Variants in BPIFB6 observed in about 807,000 individuals in gnomAD.
BPIFB6 encodes BPI fold containing family B member 6, also known as BPI fold-containing family B member 6.
A neutral mutation model predicts 54.7 loss-of-function variants in BPIFB6; 47 were observed. The ratio of observed to expected loss-of-function variants is 0.86; its 90% confidence interval spans 0.68 to 1.10. The LOEUF is 1.10. Ranked by LOEUF, BPIFB6 falls within the 50% of genes least tolerant of loss-of-function variation. The pLI, the probability that BPIFB6 is intolerant of heterozygous loss-of-function variation, is 0.00. For missense variants in BPIFB6, 603 were observed against 564.1 expected, an observed-to-expected ratio of 1.07 and a Z score of -0.70; for synonymous variants, 255 against 225.9, an observed-to-expected ratio of 1.13 and a Z score of -1.16.
Position 33,037,621 on chromosome 20 carries a change from C to G in BPIFB6, c.729C>G (p.Leu243=). Residue 243 remains leucine, a synonymous_variant, in exon 8 of 15, where the codon CTC becomes CTG. Transcript: ENST00000349552. The part of the protein sequence containing the change: ...TIKLADAGEA[L]TFPEGYAKGS... ...AGCTTGCTGATGCCGGGGAGGCCCT[C>G]ACGTTCCCTGAGGGTTATGCCAAAG... is the stretch of plus-strand genomic sequence containing the variant. 1 of 1,614,086 alleles carries G rather than the reference C, an allele frequency of 6.2e-7. No homozygotes were observed. The highest frequency in any genetic ancestry group is 8.5e-7 in the Non-Finnish European group (1 of 1,179,974).
intron 2 of BPIFB6, chr20:33,033,742 G>C (rs1979203310): frequency 1.1e-5 from 5 of 439,114 alleles, no homozygotes; most frequent in South Asian, 8.1e-5. Flanking sequence ...TGCGGGGACT[G>C]GGGGAATGCT....
Position 33,037,542 on chromosome 20 carries a change from T to C in BPIFB6, c.670-20T>C, listed in dbSNP as rs8125862. The C allele has an allele frequency of 4.9e-3, 7,814 of 1,590,048 alleles. 327 individuals carry two copies. The African/African-American group carries it at 0.093, about 19-fold the overall frequency. ...TCCCTCTCGGCCAAGGCTGAGTGTC[T>C]CCCTCCTGCTGCCCCATAGCCTGTG... is the stretch of plus-strand genomic sequence containing the variant. On this transcript the variant is annotated intron_variant, in intron 7 of 14. Coordinates refer to ENST00000349552, the MANE Select transcript of BPIFB6 (RefSeq NM_174897.2).
Position 33,034,770 on chromosome 20 carries a change from G to C in BPIFB6, c.310G>C (p.Gly104Arg). The change falls in exon 4 of 15, where the codon GGA becomes CGA. Residue 104 changes from glycine to arginine, a missense_variant. Coordinates refer to ENST00000349552, the MANE Select transcript of BPIFB6 (RefSeq NM_174897.2). Reference sequence around the variant, plus strand: ...TCCTGCTCTGTCCTCCAGCTTCATGGGAGGGAACATGGAGATCATCGTGGC... The same window carrying C: ...TCCTGCTCTGTCCTCCAGCTTCATGCGAGGGAACATGGAGATCATCGTGGC... Reference protein sequence around the residue: ...GMTVTGKSFMGGNMEIIVALN... With the variant: ...GMTVTGKSFMRGNMEIIVALN... The C allele has an allele frequency of 6.2e-7, 1 of 1,608,084 alleles. No individual in the cohort carries two copies. The highest frequency in any genetic ancestry group is 1.1e-5 in the South Asian group (1 of 90,690).
At chr20:33,041,621 T>A (rs1432498723) in intron 11 of BPIFB6, among the ~76,000 whole-genome samples, 1 of 152,148 alleles carries the variant, frequency 6.6e-6, no homozygotes, top group Admixed American at 6.5e-5. Context: ...GAAGGGCTCC[T>A]GTTCTGTGTC....
intron 2 of BPIFB6, 66 bp from the exon 3 acceptor site, chr20:33,034,120 A>G (rs1434598696): frequency 1.5e-5 from 17 of 1,117,052 alleles, no homozygotes; most frequent in Non-Finnish European, 2.2e-5. Context: ...AAAGTGGTGA[A>G]GTGGGTGGAG....
At chr20:33,043,944 C>G in intron 14 of BPIFB6, 71 bp from the exon 15 acceptor site, 1 of 1,571,372 alleles carries the variant, frequency 6.4e-7, no homozygotes, top group East Asian at 2.2e-5. Flanking sequence ...GACAAGGGGC[C>G]CAGTTCCATT....
chr20:33,040,435 C>T (rs1042460407), intron 11 of BPIFB6, 117 bp downstream of exon 11: 1 of 905,478 alleles, frequency 1.1e-6, no homozygotes, highest in Non-Finnish European at 1.8e-6. Flanking sequence ...TACCAGGCTG[C>T]TCTAGCTACT....
intron 12 of BPIFB6, 119 bp from the exon 13 acceptor site, chr20:33,042,696 C>A (rs1237880257): frequency 2.8e-5 from 26 of 928,354 alleles, no homozygotes; most frequent in Non-Finnish European, 3.8e-5. Flanking sequence ...CTGGACAAAC[C>A]ATTTGATGTC....
chr20:33,043,722 A>G (rs1979688426), intron 14 of BPIFB6, among the ~76,000 whole-genome samples: 1 of 152,240 alleles, frequency 6.6e-6, no homozygotes, highest in Admixed American at 6.5e-5. Context: ...TGCTGAATAA[A>G]TATTACCTTT....
At chr20:33,038,842 T>C in intron 8 of BPIFB6, 67 bp from the exon 9 acceptor site, 8 of 1,434,154 alleles carry the variant, frequency 5.6e-6, no homozygotes, top group African/African-American at 1.4e-5. Context: ...GTTAAGTCAG[T>C]GGAGATGTTT....
intron 6 of BPIFB6, among the ~76,000 whole-genome samples, 180 bp from the exon 7 acceptor site, chr20:33,036,265 T>C (rs1451498195): frequency 2.0e-5 from 3 of 152,186 alleles, no homozygotes; most frequent in Non-Finnish European, 4.4e-5. Flanking sequence ...TGATGTGATT[T>C]TCCAGGCCAG....
intron 7 of BPIFB6, among the ~76,000 whole-genome samples, chr20:33,036,965 A>G (rs1979369609): frequency 6.6e-6 from 1 of 152,158 alleles, no homozygotes; most frequent in African/African-American, 2.4e-5. Flanking sequence ...TCTTTGGCAC[A>G]GCATTCCCCA....
In BPIFB6 at chr20:33,043,382, TA is replaced by T. The variant is rs768525463; in HGVS notation, c.1329+16del. 9 of 1,611,370 alleles carry T rather than the reference TA, an allele frequency of 5.6e-6. No individual in the cohort carries two copies. Among genetic ancestry groups the T allele is most frequent in the African/African-American group, 4.0e-5 (3 of 74,828 alleles). ...ACATAGTAGAGGTGAGAGGAGGGGC[TA>T]GGGGAGGTCATGTCAATCAACACTG... On this transcript the variant is annotated intron_variant, in intron 14 of 14. Transcript: ENST00000349552.
At chr20:33,032,560 C>A (rs535894536) in intron 1 of BPIFB6, among the ~76,000 whole-genome samples, 2 of 152,192 alleles carry the variant, frequency 1.3e-5, no homozygotes, top group Non-Finnish European at 2.9e-5. Flanking sequence ...GCTCCAGTTT[C>A]TCTGTCGTGT....
intron 10 of BPIFB6, among the ~76,000 whole-genome samples, chr20:33,039,769 A>C (rs931749787): frequency 6.6e-6 from 1 of 152,232 alleles, no homozygotes; most frequent in Non-Finnish European, 1.5e-5. Context: ...AAGGCAGTGA[A>C]GGGTGCACTG....
intron 7 of BPIFB6, among the ~76,000 whole-genome samples, chr20:33,037,097 C>T (rs1364245043): frequency 6.6e-6 from 1 of 152,026 alleles, no homozygotes; most frequent in African/African-American, 2.4e-5. Context: ...GAGTTGGGCC[C>T]TCACCCAGAT....
chr20:33,043,476 G>T, intron 14 of BPIFB6, 109 bp downstream of exon 14: 1 of 1,017,826 alleles, frequency 9.8e-7, no homozygotes, highest in South Asian at 1.3e-5. Context: ...TGGGAGGGCA[G>T]GTGGCCATCA....
rs141379850 is a variant in BPIFB6 at position 33,040,392 on chromosome 20, C to T, written c.1142+74C>T. 1.3e-4 allele frequency: 185 copies of T among 1,418,594 alleles called. 1 individual carries two copies. The African/African-American group carries it at 2.2e-3, about 17-fold the overall frequency. 87.9% of individuals were successfully genotyped at this position (1,418,594 alleles called of 1,614,324 possible). Reference sequence around the variant, plus strand: ...GCCTTCTGATCTAGCACACCCCACACTACCGAGCTGATCCACCCAGCACAC... The same window carrying T: ...GCCTTCTGATCTAGCACACCCCACATTACCGAGCTGATCCACCCAGCACAC... On this transcript the variant is annotated intron_variant, in intron 11 of 14. Transcript: ENST00000349552.
chr20:33,037,722 A>C lies in BPIFB6; in HGVS notation c.830A>C (p.Asn277Thr). Residue 277 changes from asparagine (N) to threonine (T), a missense_variant, in exon 8 of 15, where the codon AAT becomes ACT. Coordinates refer to ENST00000349552, the MANE Select transcript of BPIFB6 (RefSeq NM_174897.2). ...LALLQKSFHV[N>T]IQDTMIGELP... ...CTTCTGCAGAAGTCCTTTCATGTGAATATCCAGGATACAATGGTGAGCTGT... is the reference window on the plus strand; with the variant it reads ...CTTCTGCAGAAGTCCTTTCATGTGACTATCCAGGATACAATGGTGAGCTGT... 1.2e-6 allele frequency: 2 copies of C among 1,614,140 alleles called. No homozygotes were observed. Among genetic ancestry groups the C allele is most frequent in the Non-Finnish European group, 1.7e-6 (2 of 1,180,026 alleles).
Sources: gnomAD v4.1 joint callset for allele counts (sites outside exome capture counted in the v4.1 genomes callset) on GRCh38, gnomAD v4.1.1 for gene constraint, MANE v1.5 for transcripts, NCBI Gene and HGNC (gene_info 2026-07-23, HGNC 2026-07-21) for gene names.